Variants in NPAS3 observed in about 807,000 individuals in gnomAD.
The protein encoded by NPAS3 is neuronal PAS domain protein 3, also known as neuronal PAS domain-containing protein 3.
NPAS3 carries 14 observed loss-of-function variants against 73.1 expected under a neutral mutation model. That is an observed-to-expected ratio of 0.19 (90% CI 0.13 to 0.30). The LOEUF (loss-of-function observed/expected upper bound fraction) is 0.30. NPAS3 is among the 10% of genes least tolerant of loss of function. The probability of loss-of-function intolerance (pLI) is 1.00; values close to 1 mark genes in which losing one functional copy is unlikely to be tolerated. For synonymous variants in NPAS3, 620 were observed against 541.5 expected (o/e 1.14, Z -2.01); for missense variants, 1,096 against 1,250.0 (o/e 0.88, Z 1.86).
chr14:33,543,958 T>G (rs2054638692), intron 4 of NPAS3, among the ~76,000 whole-genome samples: 1 of 16,770 alleles, frequency 6.0e-5, no homozygotes, highest in African/African-American at 7.4e-4. Context: ...TATATATATA[T>G]ATATATATAT....
intron 5 of NPAS3, among the ~76,000 whole-genome samples, chr14:33,653,248 A>G (rs1039593531): frequency 1.3e-5 from 2 of 152,204 alleles, no homozygotes; most frequent in African/African-American, 2.4e-5. Context: ...ATTGCTGACA[A>G]TGCCTTAAAG....
chr14:33,459,231 A>G (rs900647410), intron 4 of NPAS3, among the ~76,000 whole-genome samples: 10 of 152,098 alleles, frequency 6.6e-5, no homozygotes, highest in African/African-American at 2.4e-4. Flanking sequence ...CCGACCTCCC[A>G]TCTCATCCTG....
At chr14:32,996,233 A>G (rs1000348333) in intron 1 of NPAS3, among the ~76,000 whole-genome samples, 1 of 152,222 alleles carries the variant, frequency 6.6e-6, no homozygotes, top group Non-Finnish European at 1.5e-5. Flanking sequence ...AGCAGAAAGC[A>G]TTCAATAGGT....
intron 5 of NPAS3, 86 bp from the exon 6 acceptor site, chr14:33,676,125 C>T: frequency 2.2e-6 from 3 of 1,349,888 alleles, no homozygotes; most frequent in Non-Finnish European, 3.1e-6. Flanking sequence ...TTCTTTTCTA[C>T]TCAGAATCTG....
intron 9 of NPAS3, among the ~76,000 whole-genome samples, chr14:33,789,458 T>G (rs2063281416): frequency 2.0e-5 from 3 of 152,206 alleles, no homozygotes; most frequent in African/African-American, 7.2e-5. Flanking sequence ...CCTTTCAAGA[T>G]TCTAAGCTAA....
chr14:33,784,733 A>ATTAT (rs2063092842), intron 9 of NPAS3, among the ~76,000 whole-genome samples: 2 of 78,326 alleles, frequency 2.6e-5, no homozygotes, highest in African/African-American at 1.4e-4. Flanking sequence ...TTATTTATTT[A>ATTAT]TTTATTTATT....
At chr14:33,797,467 T>C (rs369647638) in exon 11 of NPAS3, 4 of 1,614,114 alleles carry the variant, frequency 2.5e-6, no homozygotes, top group Non-Finnish European at 8.5e-7. Flanking sequence ...CAATCCTGAG[T>C]ACAAGGACAC....
At chr14:33,399,633 C>G (rs1463671378) in intron 4 of NPAS3, among the ~76,000 whole-genome samples, 3 of 150,760 alleles carry the variant, frequency 2.0e-5, no homozygotes, top group Non-Finnish European at 2.9e-5. Flanking sequence ...TGTCCTGAAC[C>G]CTTGATTAGT....
intron 1 of NPAS3, among the ~76,000 whole-genome samples, chr14:32,943,891 T>C (rs2036142406): frequency 3.9e-5 from 6 of 152,146 alleles, no homozygotes; most frequent in Admixed American, 3.9e-4. Flanking sequence ...GGTTTCACCA[T>C]GTTGGCCAGG....
intron 4 of NPAS3, among the ~76,000 whole-genome samples, chr14:33,543,801 G>A (rs1673249914): frequency 6.6e-6 from 1 of 151,982 alleles, no homozygotes; most frequent in African/African-American, 2.4e-5. Context: ...GTGAGTGGCA[G>A]CTGTTTGATA....
chr14:33,559,284 T>A (rs1232530732), intron 4 of NPAS3, among the ~76,000 whole-genome samples: 1 of 151,836 alleles, frequency 6.6e-6, no homozygotes, highest in African/African-American at 2.4e-5. Flanking sequence ...CCCATAAACA[T>A]TATCCCTTAA....
At chr14:33,578,236 C>T (rs1183786367) in intron 5 of NPAS3, 1 of 455,902 alleles carries the variant, frequency 2.2e-6, no homozygotes, top group Non-Finnish European at 4.4e-6. Flanking sequence ...TCTTGTTGCC[C>T]AGGCTGGAGT....
At chr14:33,334,396 A>T (rs2044121666) in intron 3 of NPAS3, among the ~76,000 whole-genome samples, 1 of 152,122 alleles carries the variant, frequency 6.6e-6, no homozygotes. Context: ...CCCCAACCAC[A>T]ATCCCAGGCA....
At chr14:33,335,659 C>G (rs74042049) in intron 3 of NPAS3, among the ~76,000 whole-genome samples, 3 of 152,062 alleles carry the variant, frequency 2.0e-5, no homozygotes, top group African/African-American at 7.2e-5. Context: ...TTAGGCCTTG[C>G]GGGACGTTTG....
chr14:33,434,347 T>C (rs950019020), intron 4 of NPAS3, among the ~76,000 whole-genome samples: 4 of 151,994 alleles, frequency 2.6e-5, no homozygotes, highest in African/African-American at 9.7e-5. Context: ...GGCAATATGG[T>C]GAGACCCCAT....
In NPAS3 at chr14:33,800,966, G is replaced by T. The variant is rs1192504164; in HGVS notation, c.2659G>T (p.Gly887Cys). 5 of 1,597,334 alleles carry T rather than the reference G, an allele frequency of 3.1e-6. No homozygotes were observed. The highest frequency in any genetic ancestry group is 4.3e-6 in the Non-Finnish European group (5 of 1,172,756). Residue 887 changes from glycine to cysteine, a missense_variant, in exon 12 of 12, where the codon GGC (glycine) becomes TGC (cysteine). Physicochemically the swap from Gly to Cys is radical, Grantham distance 159 (BLOSUM62 -3). Transcript: ENST00000356141. This position sits in a 1 kb window ranked among gnomAD's most constrained non-coding sequence, Gnocchi z 6.5. Reference sequence around the variant, plus strand: ...GCTCAACATGTCAGGACCGTTCGGCGGCGCAGTGAGCGCAGCTAGCCTGAC... The same window carrying T: ...GCTCAACATGTCAGGACCGTTCGGCTGCGCAGTGAGCGCAGCTAGCCTGAC...
At chr14:33,530,918 G>A (rs2054013030) in intron 4 of NPAS3, among the ~76,000 whole-genome samples, 2 of 152,082 alleles carry the variant, frequency 1.3e-5, no homozygotes, top group Non-Finnish European at 2.9e-5. Flanking sequence ...AGAGTGGGGT[G>A]AGGAACTGCA....
intron 2 of NPAS3, among the ~76,000 whole-genome samples, chr14:33,210,377 G>A (rs369476221): frequency 6.6e-6 from 1 of 151,896 alleles, no homozygotes; most frequent in South Asian, 2.1e-4. Flanking sequence ...AACTTTTTTG[G>A]GGATATATTT....
chr14:33,549,437 G>A (rs2055005173), intron 4 of NPAS3, among the ~76,000 whole-genome samples: 2 of 152,114 alleles, frequency 1.3e-5, no homozygotes, highest in African/African-American at 4.8e-5. Context: ...GCTTCATCAT[G>A]TTGCCAGGCT....
Sources: allele counts gnomAD v4.1 joint callset (sites outside exome capture counted in the v4.1 genomes callset), GRCh38; gene constraint gnomAD v4.1.1; non-coding constraint Gnocchi (gnomAD v3.1); transcripts MANE v1.5; gene names NCBI Gene and HGNC (gene_info 2026-07-23, HGNC 2026-07-21).